The following MACF1 variants were observed in gnomAD, a reference collection of about 807,000 sequenced individuals.
MACF1 encodes microtubule actin crosslinking factor 1, also known as microtubule-actin cross-linking factor 1.
Under a neutral mutation model 854.8 loss-of-function variants are expected in MACF1, and 193 were observed. The observed-to-expected ratio is 0.23, with a 90% CI of 0.20 to 0.25. The LOEUF (loss-of-function observed/expected upper bound fraction) is 0.25. MACF1 is among the 10% of genes least tolerant of loss of function. The probability of loss-of-function intolerance (pLI) is 1.00; values close to 1 mark genes in which losing one functional copy is unlikely to be tolerated. For missense variants in MACF1, 7,722 were observed against 8,929.1 expected, an observed-to-expected ratio of 0.86 and a Z score of 5.45; for synonymous variants, 3,185 against 3,226.7, an observed-to-expected ratio of 0.99 and a Z score of 0.44.
Position 39,347,230 on chromosome 1 carries a change from T to C in MACF1, c.10815+20T>C. The C allele has an allele frequency of 6.4e-7, 1 of 1,565,246 alleles. No homozygotes were observed. Among genetic ancestry groups the C allele is most frequent in the Middle Eastern group, 1.9e-4 (1 of 5,356 alleles). On this transcript the variant is annotated intron_variant, in intron 41 of 100. Transcript: ENST00000564288. The stretch of plus-strand genomic sequence containing the variant: ...GTGAAGGTCAGACTGAACCAGCAGC[T>C]GGGCTCAGTTTGTCTTTGGGGATGT...
intron 53 of MACF1, 146 bp from the exon 54 acceptor site, chr1:39,379,057 A>G: frequency 1.1e-6 from 1 of 879,424 alleles, no homozygotes; most frequent in South Asian, 2.0e-5. Flanking sequence ...TGTGTATATA[A>G]ATGGGAACTT....
intron 1 of MACF1, among the ~76,000 whole-genome samples, chr1:39,210,660 G>C (rs985624555): frequency 6.6e-6 from 1 of 152,060 alleles, no homozygotes. Context: ...TTTCTAGGCT[G>C]TTTGAGAAGA....
chr1:39,412,589 A>G, intron 58 of MACF1: 1 of 1,614,032 alleles, frequency 6.2e-7, no homozygotes. Flanking sequence ...CTTAATCCAG[A>G]TGGAGTGGAA....
intron 6 of MACF1, among the ~76,000 whole-genome samples, chr1:39,280,551 A>G (rs1645523424): frequency 6.6e-6 from 1 of 152,136 alleles, no homozygotes; most frequent in Non-Finnish European, 1.5e-5. Flanking sequence ...ATAATAGTCC[A>G]TAATGCAAAA....
At chr1:39,316,930 A>G (rs1646421377) in intron 28 of MACF1, among the ~76,000 whole-genome samples, 1 of 152,232 alleles carries the variant, frequency 6.6e-6, no homozygotes, top group East Asian at 1.9e-4. Flanking sequence ...CTCTGGCTAA[A>G]TGACTTATTT....
intron 6 of MACF1, among the ~76,000 whole-genome samples, chr1:39,264,616 A>G (rs1645208181): frequency 6.6e-6 from 1 of 151,758 alleles, no homozygotes; most frequent in African/African-American, 2.4e-5. Context: ...AAACTGAAAC[A>G]CAGAGACCGA....
At chr1:39,163,736 G>A (rs1156356570) in intron 2 of MACF1, among the ~76,000 whole-genome samples, 1 of 152,126 alleles carries the variant, frequency 6.6e-6, no homozygotes, top group Non-Finnish European at 1.5e-5. Flanking sequence ...ATACAGTCAA[G>A]CAGGACAAGC....
intron 97 of MACF1, among the ~76,000 whole-genome samples, chr1:39,470,147 A>G (rs1644749103): frequency 6.6e-6 from 1 of 152,232 alleles, no homozygotes; most frequent in Non-Finnish European, 1.5e-5. Context: ...AACCTAGCAG[A>G]AATGTTTGCT....
rs1371530515 is a variant in MACF1, at chr1:39,283,335, CACGTA to C, written c.808+35_808+39del. 35 of 1,576,600 alleles carry C rather than the reference CACGTA, an allele frequency of 2.2e-5. No homozygotes were observed. The highest frequency in any genetic ancestry group is 2.8e-5 in the Non-Finnish European group (32 of 1,145,908). On this transcript the variant is annotated intron_variant, in intron 8 of 100. Transcript: ENST00000564288. This position sits in a 1 kb window ranked among gnomAD's most constrained non-coding sequence, Gnocchi z 4.5. ...GAGTTTACTGAACTTGAGTAAGGAACACGTATTCAGTATTCCTTCTTCTGGCAAGT... is the reference window on the plus strand; with the variant it reads ...GAGTTTACTGAACTTGAGTAAGGAACTTCAGTATTCCTTCTTCTGGCAAGT...
intron 15 of MACF1, among the ~76,000 whole-genome samples, chr1:39,290,053 C>T (rs1571276165): frequency 1.3e-5 from 2 of 152,186 alleles, no homozygotes; most frequent in African/African-American, 4.8e-5. Context: ...TTGATGTAAT[C>T]CCATTTGTTC....
intron 2 of MACF1, among the ~76,000 whole-genome samples, chr1:39,248,538 A>G (rs1158557249): frequency 1.3e-5 from 2 of 151,970 alleles, no homozygotes; most frequent in Non-Finnish European, 2.9e-5. Context: ...TTTGAATATT[A>G]TAATTGGAAA....
chr1:39,263,680 C>A (rs1370998007), intron 6 of MACF1, among the ~76,000 whole-genome samples: 1 of 151,586 alleles, frequency 6.6e-6, no homozygotes, highest in Non-Finnish European at 1.5e-5. Context: ...ATGATCTATT[C>A]ATAAACAATA....
intron 58 of MACF1, among the ~76,000 whole-genome samples, chr1:39,404,426 G>A (rs1329686946): frequency 6.6e-6 from 1 of 151,616 alleles, no homozygotes; most frequent in South Asian, 2.1e-4. Flanking sequence ...AACCGAGATC[G>A]TGTCACTGCA....
At chr1:39,451,353 C>A in intron 85 of MACF1, 142 bp downstream of exon 85, 2 of 883,330 alleles carry the variant, frequency 2.3e-6, no homozygotes, top group Non-Finnish European at 3.2e-6. Context: ...TTTAAACAAA[C>A]TGTTGCTGAG....
At position 39,429,333 on chromosome 1, in the gene MACF1, T is replaced by G; in HGVS notation, c.16888+7T>G. The G allele has an allele frequency of 1.3e-6, 2 of 1,511,862 alleles. No individual in the cohort carries two copies. The highest frequency in any genetic ancestry group is 2.3e-5 in the South Asian group (2 of 88,390). 93.7% of individuals were successfully genotyped at this position (1,511,862 alleles called of 1,614,324 possible). A position where few individuals can be genotyped will look rare whatever the true frequency, so the allele number is the denominator to read the frequency against. On this transcript the variant is annotated splice_region_variant and intron_variant, in intron 64 of 100. Transcript: ENST00000564288. ...CTTCTAAAACAAACCACAGGTACTT[T>G]GAAAAGTGTGTCTCTTAGCACCCCT...
chr1:39,130,571 C>T (rs534228097), intron 2 of MACF1, among the ~76,000 whole-genome samples: 9 of 152,212 alleles, frequency 5.9e-5, no homozygotes, highest in East Asian at 5.8e-4. Context: ...TTCCTGGGTG[C>T]GGTTTTGCAG....
rs1263152705 is a variant in MACF1 at position 39,452,784 on chromosome 1, C to A, written c.20714C>A (p.Ala6905Asp). Reference sequence around the variant, plus strand: ...GGAGCACTTCCTGATGACACAGAGGCCCTGCAGTCTCTCATTGACACCCAT... The same window carrying A: ...GGAGCACTTCCTGATGACACAGAGGACCTGCAGTCTCTCATTGACACCCAT... ...FRGALPDDTE[A>D]LQSLIDTHKE... is the part of the protein sequence containing the mutation. Residue 6905 changes from alanine (A) to aspartate (D), a missense_variant, in exon 87 of 101, where the codon GCC (alanine) becomes GAC (aspartate). Ala to Asp is a moderately radical substitution (Grantham distance 126, BLOSUM62 -2). Coordinates refer to ENST00000564288, the MANE Select transcript of MACF1 (RefSeq NM_001394062.1). 2 of 1,613,990 alleles carry A rather than the reference C, an allele frequency of 1.2e-6. No homozygotes were observed. Among genetic ancestry groups the A allele is most frequent in the Non-Finnish European group, 1.7e-6 (2 of 1,180,006 alleles).
chr1:39,388,015 T>A lies in MACF1; in HGVS notation c.15173T>A (p.Val5058Glu), dbSNP rs151273405. The A allele has an allele frequency of 8.8e-4, 1,424 of 1,614,084 alleles. 3 individuals are homozygous for A. Among genetic ancestry groups the A allele is most frequent in the Non-Finnish European group, 1.0e-3 (1,233 of 1,180,014 alleles). The change falls in exon 58 of 101, where the codon GTG becomes GAG. Residue 5058 changes from valine to glutamate, a missense_variant. Transcript: ENST00000564288. ...NLEKLRAQQEVLQALEPQVDY... is the reference protein window; with the variant it reads ...NLEKLRAQQEELQALEPQVDY... Reference sequence around the variant, plus strand: ...GAGAAGCTAAGAGCTCAACAGGAAGTGCTGCAGGCCCTAGAGCCTCAGGTA... The same window carrying A: ...GAGAAGCTAAGAGCTCAACAGGAAGAGCTGCAGGCCCTAGAGCCTCAGGTA...
intron 2 of MACF1, among the ~76,000 whole-genome samples, chr1:39,171,203 TTGTGTG>T (rs147517281): frequency 4.1e-5 from 6 of 146,330 alleles, no homozygotes; most frequent in East Asian, 2.0e-4. Context: ...ATCTTTCTGT[TTGTGTG>T]TGTGTGTGTG....
Sources: allele counts gnomAD v4.1 joint callset (sites outside exome capture counted in the v4.1 genomes callset), GRCh38; gene constraint gnomAD v4.1.1; non-coding constraint Gnocchi (gnomAD v3.1); transcripts MANE v1.5; gene names NCBI Gene and HGNC (gene_info 2026-07-23, HGNC 2026-07-21).